Variants in PTPRG observed in about 807,000 individuals in gnomAD.
PTPRG encodes receptor-type tyrosine-protein phosphatase gamma.
A neutral mutation model predicts 165.3 loss-of-function variants in PTPRG; 102 were observed. The observed-to-expected ratio is 0.62, with a 90% CI of 0.53 to 0.73. The LOEUF (loss-of-function observed/expected upper bound fraction) is 0.73. PTPRG is among the 30% of genes least tolerant of loss of function. The probability of loss-of-function intolerance (pLI) is 0.00; values close to 1 mark genes in which losing one functional copy is unlikely to be tolerated. For synonymous variants in PTPRG, 675 were observed against 669.5 expected (o/e 1.01, Z -0.13); for missense variants, 1,866 against 1,861.4 (o/e 1.00, Z -0.05).
At position 62,150,847 on chromosome 3, in the gene PTPRG, A is replaced by G. The variant is rs549866881; in HGVS notation, c.683-6220A>G. 7.2e-5 allele frequency among the ~76,000 whole-genome samples: 11 copies of G among 152,286 alleles called. No homozygotes were observed. In the East Asian group the frequency reaches 7.7e-4, roughly 11 times the overall value. Reference sequence around the variant, plus strand: ...GTCCAAATAACCTTCCAATCTTCCAATGTAATACATTGTTTATTGGGGTGT... The same window carrying G: ...GTCCAAATAACCTTCCAATCTTCCAGTGTAATACATTGTTTATTGGGGTGT... On this transcript the variant is annotated intron_variant, in intron 6 of 29. Transcript: ENST00000474889.
Position 62,273,050 on chromosome 3 carries a change from G to A in PTPRG, c.3287G>A (p.Arg1096Lys). 6.2e-7 allele frequency: 1 copy of A among 1,613,618 alleles called. No individual in the cohort carries two copies. The highest frequency in any genetic ancestry group is 2.2e-5 in the East Asian group (1 of 44,840). ...VNVLGFLKHI[R>K]TQRNYLVQTE... ...GTCCTGGGATTCCTGAAGCATATCA[G>A]GACACAGCGTAACTACCTCGTCCAG... The change falls in exon 22 of 30, where the codon AGG becomes AAG. Residue 1096 changes from arginine (R) to lysine (K), a missense_variant. This residue lies in a region of PTPRG where 1,452 missense variants were observed against 1,463.0 expected (regional missense o/e 0.99). Coordinates refer to ENST00000474889, the MANE Select transcript of PTPRG (RefSeq NM_002841.4). This position sits in a 1 kb window ranked among gnomAD's most constrained non-coding sequence, Gnocchi z 4.1.
intron 16 of PTPRG, 105 bp from the exon 17 acceptor site, chr3:62,262,693 C>G: frequency 1.7e-6 from 1 of 598,874 alleles, no homozygotes; most frequent in Non-Finnish European, 2.7e-6. Flanking sequence ...GAGAAGGTAA[C>G]GGTGGCTGTG....
intron 2 of PTPRG, among the ~76,000 whole-genome samples, chr3:61,904,359 T>C (rs1275394779): frequency 6.6e-6 from 1 of 152,194 alleles, no homozygotes; most frequent in Non-Finnish European, 1.5e-5. Context: ...TCCTCTGTTT[T>C]CTGTCTCTAA....
At chr3:61,610,305 A>G (rs780274051) in intron 1 of PTPRG, among the ~76,000 whole-genome samples, 6 of 152,114 alleles carry the variant, frequency 3.9e-5, no homozygotes, top group Non-Finnish European at 7.3e-5. Context: ...AAATAACAGT[A>G]ATAAAATCTG....
intron 1 of PTPRG, among the ~76,000 whole-genome samples, chr3:61,618,995 A>G (rs1218103006): frequency 7.1e-6 from 1 of 139,878 alleles, no homozygotes; most frequent in Non-Finnish European, 1.5e-5. Flanking sequence ...AAAAAAAAAA[A>G]AAAAGTTAAA....
intron 6 of PTPRG, among the ~76,000 whole-genome samples, chr3:62,151,942 A>T (rs1704352000): frequency 6.6e-6 from 1 of 152,194 alleles, no homozygotes; most frequent in South Asian, 2.1e-4. Context: ...CCCATTTTAC[A>T]GATGAGGAAA....
chr3:62,020,081 G>A (rs2041651882), intron 4 of PTPRG, among the ~76,000 whole-genome samples: 1 of 152,110 alleles, frequency 6.6e-6, no homozygotes, highest in South Asian at 2.1e-4. Flanking sequence ...TGATCATAGA[G>A]TGATCTGTTG....
rs1444702626 is a variant in PTPRG at position 61,781,486 on chromosome 3, A to G, written c.190+32504A>G. On this transcript the variant is annotated intron_variant, in intron 2 of 29. Transcript: ENST00000474889. ...GTGTGGATCAGTGAATTTGGGATAC[A>G]TATCATCACTTCCTACATCCTGACC... Among the ~76,000 whole-genome samples the G allele has an allele frequency of 5.3e-5, 8 of 152,076 alleles. 1 individual carries two copies. The highest frequency in any genetic ancestry group is 5.2e-4 in the Admixed American group (8 of 15,266).
In PTPRG at chr3:61,835,812, G is replaced by C. The variant is rs147433085; in HGVS notation, c.190+86830G>C. ...CCAGCACTTTGGGAGGCCGAGGTGG[G>C]TGGATCACCTGAGAGGTCAGGAGTT... is the stretch of plus-strand genomic sequence containing the variant. On this transcript the variant is annotated intron_variant, in intron 2 of 29. Transcript: ENST00000474889. 3.2e-3 allele frequency among the ~76,000 whole-genome samples: 480 copies of C among 151,942 alleles called. 2 individuals are homozygous for C. The highest frequency in any genetic ancestry group is 0.011 in the African/African-American group (443 of 41,472).
intron 1 of PTPRG, among the ~76,000 whole-genome samples, chr3:61,670,109 A>T (rs1019558103): frequency 1.3e-5 from 2 of 152,162 alleles, no homozygotes; most frequent in African/African-American, 4.8e-5. Context: ...CTGTGGGAAG[A>T]TGTGAAAAGC....
At chr3:61,858,371 TA>T (rs1435551754) in intron 2 of PTPRG, among the ~76,000 whole-genome samples, 2 of 152,196 alleles carry the variant, frequency 1.3e-5, no homozygotes, top group African/African-American at 4.8e-5. Flanking sequence ...TTATTTCTCT[TA>T]AAAAAGCATA....
intron 4 of PTPRG, among the ~76,000 whole-genome samples, chr3:62,045,053 T>C (rs1700245436): frequency 6.6e-6 from 1 of 152,174 alleles, no homozygotes. Flanking sequence ...GGGGTGTTGG[T>C]GTGGGGTGAG....
chr3:61,867,092 G>T (rs929112579), intron 2 of PTPRG, among the ~76,000 whole-genome samples: 4 of 152,112 alleles, frequency 2.6e-5, no homozygotes, highest in Non-Finnish European at 5.9e-5. Context: ...AGTACCAGAT[G>T]GCCTCCTGGC....
chr3:62,006,159 G>T (rs2041293921), intron 4 of PTPRG, among the ~76,000 whole-genome samples: 2 of 152,118 alleles, frequency 1.3e-5, no homozygotes, highest in Non-Finnish European at 2.9e-5. Context: ...TTTCTTTTAA[G>T]TAATGTCAGA....
Position 62,190,730 on chromosome 3 carries a change from G to A in PTPRG, c.1034-739G>A, listed in dbSNP as rs140924088. Reference sequence around the variant, plus strand: ...TCGGACCTGTTTACAATAAGATTTCGTCTACAATTTTAGTTAGCACACTCC... The same window carrying A: ...TCGGACCTGTTTACAATAAGATTTCATCTACAATTTTAGTTAGCACACTCC... On this transcript the variant is annotated intron_variant, in intron 8 of 29. Coordinates refer to ENST00000474889, the MANE Select transcript of PTPRG (RefSeq NM_002841.4). The surrounding 1 kb of genome is among the most constrained non-coding windows in gnomAD (Gnocchi z 5.2). 8.5e-5 allele frequency among the ~76,000 whole-genome samples: 13 copies of A among 152,118 alleles called. No homozygotes were observed. Among genetic ancestry groups the A allele is most frequent in the Admixed American group, 8.5e-4 (13 of 15,278 alleles).
chr3:62,273,706 C>T lies in PTPRG; in HGVS notation c.3327C>T (p.Tyr1109=). Residue 1109 remains tyrosine, a synonymous_variant, in exon 23 of 30, where the codon TAC becomes TAT. Transcript: ENST00000474889. The surrounding 1 kb of genome is among the most constrained non-coding windows in gnomAD (Gnocchi z 4.1). The stretch of plus-strand genomic sequence containing the variant: ...TGTATTGTACCTCTTAGGAGCAGTA[C>T]ATTTTCATCCATGATGCCTTGTTGG... ...RNYLVQTEEQ[Y]IFIHDALLEA... The T allele has an allele frequency of 6.2e-7, 1 of 1,613,550 alleles. No homozygotes were observed.
At chr3:61,861,087 T>A (rs2037257007) in intron 2 of PTPRG, among the ~76,000 whole-genome samples, 1 of 151,688 alleles carries the variant, frequency 6.6e-6, no homozygotes, top group East Asian at 1.9e-4. Flanking sequence ...CTTTTTTAAT[T>A]GTCTGGTTTT....
intron 1 of PTPRG, among the ~76,000 whole-genome samples, chr3:61,738,346 A>G (rs1031326823): frequency 7.0e-6 from 1 of 142,786 alleles, no homozygotes; most frequent in African/African-American, 2.6e-5. Context: ...ATGTATATAT[A>G]TATATAAACC....
chr3:62,070,337 A>G (rs528068889), intron 4 of PTPRG, among the ~76,000 whole-genome samples: 14 of 152,254 alleles, frequency 9.2e-5, no homozygotes, highest in Non-Finnish European at 2.9e-5. Flanking sequence ...CATTCTTTCA[A>G]TATCTTGAGC....
Sources: gnomAD v4.1 joint callset for allele counts (sites outside exome capture counted in the v4.1 genomes callset) on GRCh38, gnomAD v4.1.1 for gene constraint, gnomAD v4.1.1 regional missense constraint, Gnocchi (gnomAD v3.1) non-coding constraint, MANE v1.5 for transcripts, NCBI Gene and HGNC (gene_info 2026-07-23, HGNC 2026-07-21) for gene names.